TMEM150C: variants seen among roughly 807,000 people sequenced by gnomAD.
TMEM150C encodes the protein transmembrane protein 150C.
TMEM150C carries 10 observed loss-of-function variants against 29.9 expected under a neutral mutation model. The ratio of observed to expected loss-of-function variants is 0.33; its 90% confidence interval spans 0.21 to 0.57. The LOEUF (loss-of-function observed/expected upper bound fraction) is 0.57, where lower values mean the gene tolerates loss of function less well. Among genes scored for constraint, TMEM150C ranks in the 20% least tolerant of loss-of-function variants. TMEM150C has a pLI of 0.88. For synonymous variants in TMEM150C, 101 were observed against 112.5 expected (o/e 0.90, Z 0.64); for missense variants, 251 against 303.6 (o/e 0.83, Z 1.29).
chr4:82,483,277 G>C lies in TMEM150C; in HGVS notation c.*2234C>G, dbSNP rs1205127875. The C allele has an allele frequency of 2.0e-5, 3 of 152,172 alleles. No homozygotes were observed. Among genetic ancestry groups the C allele is most frequent in the Non-Finnish European group, 4.4e-5 (3 of 68,044 alleles). 9.4% of individuals were successfully genotyped at this position (152,172 alleles called of 1,614,324 possible). On this transcript the variant is annotated 3_prime_UTR_variant, in exon 8 of 8. Coordinates refer to ENST00000449862, the MANE Select transcript of TMEM150C (RefSeq NM_001080506.3). ...TGGTATTAGATATATTCTTAAGAAA[G>C]TGTACAATTGCATCACCAAAAGCTG...
At chr4:82,516,062 A>G (rs1459593069) in intron 1 of TMEM150C, among the ~76,000 whole-genome samples, 1 of 152,156 alleles carries the variant, frequency 6.6e-6, no homozygotes, top group African/African-American at 2.4e-5. Flanking sequence ...AAGAGAAACA[A>G]CCAAACATGA....
intron 1 of TMEM150C, among the ~76,000 whole-genome samples, chr4:82,549,219 T>C (rs555689515): frequency 6.6e-6 from 1 of 152,272 alleles, no homozygotes; most frequent in Admixed American, 6.5e-5. Context: ...ACAAAAATAT[T>C]TTTCTTCAAA....
At chr4:82,538,616 G>A (rs548467415) in intron 1 of TMEM150C, among the ~76,000 whole-genome samples, 1 of 152,166 alleles carries the variant, frequency 6.6e-6, no homozygotes, top group Admixed American at 6.5e-5. Flanking sequence ...AAAAAAGTCT[G>A]AAATAGAAAA....
intron 6 of TMEM150C, chr4:82,494,723 TGA>T (rs1322980185): frequency 4.4e-6 from 1 of 228,068 alleles, no homozygotes; most frequent in Non-Finnish European, 8.7e-6. Context: ...AAGACCAGGC[TGA>T]GAGACTAGAA....
At chr4:82,497,030 A>G (rs1238325488) in intron 5 of TMEM150C, among the ~76,000 whole-genome samples, 1 of 152,220 alleles carries the variant, frequency 6.6e-6, no homozygotes, top group Non-Finnish European at 1.5e-5. Flanking sequence ...TGTCCACTCT[A>G]TCTTTTGAAG....
intron 1 of TMEM150C, among the ~76,000 whole-genome samples, chr4:82,514,438 G>GT (rs1025548815): frequency 6.6e-6 from 1 of 152,214 alleles, no homozygotes; most frequent in Non-Finnish European, 1.5e-5. Flanking sequence ...ATGTTGGAAC[G>GT]TAATGGAAAT....
chr4:82,508,268 A>G (rs1266162179), intron 1 of TMEM150C, among the ~76,000 whole-genome samples: 3 of 152,000 alleles, frequency 2.0e-5, no homozygotes, highest in African/African-American at 7.2e-5. Flanking sequence ...AAAGAGGGGG[A>G]GAAGAATGGA....
chr4:82,515,464 C>A (rs373509369), intron 1 of TMEM150C, among the ~76,000 whole-genome samples: 1 of 152,012 alleles, frequency 6.6e-6, no homozygotes, highest in Non-Finnish European at 1.5e-5. Flanking sequence ...CTTGGCCGGG[C>A]GCGGTGGCTC....
intron 2 of TMEM150C, among the ~76,000 whole-genome samples, chr4:82,503,607 T>G (rs1227678544): frequency 1.3e-5 from 2 of 152,080 alleles, no homozygotes; most frequent in Non-Finnish European, 2.9e-5. Context: ...TCCCAGCACT[T>G]TGGGAGGCCG....
At chr4:82,559,781 A>G (rs920657369) in intron 1 of TMEM150C, among the ~76,000 whole-genome samples, 4 of 152,160 alleles carry the variant, frequency 2.6e-5, no homozygotes, top group Non-Finnish European at 4.4e-5. Flanking sequence ...GAAGTAATAC[A>G]TTATCTTGTC....
intron 6 of TMEM150C, chr4:82,490,905 T>A: frequency 1.4e-6 from 1 of 713,290 alleles, no homozygotes; most frequent in South Asian, 1.4e-5. Flanking sequence ...ACCCAGGACA[T>A]TGCCTCCCCA....
At chr4:82,530,458 G>A (rs1724805783) in intron 1 of TMEM150C, among the ~76,000 whole-genome samples, 1 of 152,192 alleles carries the variant, frequency 6.6e-6, no homozygotes, top group Non-Finnish European at 1.5e-5. Context: ...TCGGGAGGCT[G>A]AGGCAGGAGA....
At position 82,502,879 on chromosome 4, in the gene TMEM150C, A is replaced by G. The variant is rs1246338253; in HGVS notation, c.167+16T>C. Reference sequence around the variant, plus strand: ...TTCCTACGGTCCCACAGGACAGAAGAGAATTGCTGGGTTACCTTATATATG... The same window carrying G: ...TTCCTACGGTCCCACAGGACAGAAGGGAATTGCTGGGTTACCTTATATATG... On this transcript the variant is annotated intron_variant, in intron 4 of 7. Coordinates refer to ENST00000449862, the MANE Select transcript of TMEM150C (RefSeq NM_001080506.3). The G allele has an allele frequency of 6.3e-7, 1 of 1,597,830 alleles. No individual in the cohort carries two copies. The highest frequency in any genetic ancestry group is 8.5e-7 in the Non-Finnish European group (1 of 1,171,484).
At position 82,561,955 on chromosome 4, in the gene TMEM150C, T is replaced by TGCGGTG; in HGVS notation, c.-66_-61dup. On this transcript the variant is annotated 5_prime_UTR_variant, in exon 1 of 8. Transcript: ENST00000449862. ...GTCGCCTCGAGGGGCTGTGACCTGC[T>TGCGGTG]GCGGTGGCGGCGGCGGCAGCAGTAG... is the stretch of plus-strand genomic sequence containing the variant. The TGCGGTG allele has an allele frequency of 1.8e-6, 2 of 1,107,484 alleles. No homozygotes were observed. Among genetic ancestry groups the TGCGGTG allele is most frequent in the Non-Finnish European group, 2.2e-6 (2 of 902,114 alleles). The allele number at this position is 1,107,484 out of a possible 1,614,324, so 68.6% of individuals were successfully genotyped here.
At chr4:82,504,199 C>A (rs1050033351) in intron 2 of TMEM150C, among the ~76,000 whole-genome samples, 1 of 151,996 alleles carries the variant, frequency 6.6e-6, no homozygotes, top group African/African-American at 2.4e-5. Flanking sequence ...TAAAGATATG[C>A]CATCTACTAT....
Position 82,497,157 on chromosome 4 carries a change from CT to C in TMEM150C, c.236-963del, listed in dbSNP as rs201883622. Among the ~76,000 whole-genome samples the C allele has an allele frequency of 7.3e-3, 1,103 of 151,948 alleles. 15 individuals are homozygous for C. The highest frequency in any genetic ancestry group is 0.026 in the African/African-American group (1,059 of 41,476). On this transcript the variant is annotated intron_variant, in intron 5 of 7. Coordinates refer to ENST00000449862, the MANE Select transcript of TMEM150C (RefSeq NM_001080506.3). The stretch of plus-strand genomic sequence containing the variant: ...CTCAAGGCCCTAATCTAAGGATGAC[CT>C]TTTTTTTGCCTAGTGCAGAGGTATT...
intron 6 of TMEM150C, chr4:82,491,519 A>G: frequency 1.5e-6 from 1 of 673,006 alleles, no homozygotes; most frequent in Non-Finnish European, 2.6e-6. Flanking sequence ...GTCCAATGCC[A>G]AAATTCTTAG....
intron 1 of TMEM150C, among the ~76,000 whole-genome samples, chr4:82,518,684 C>T (rs982741037): frequency 6.6e-6 from 1 of 152,186 alleles, no homozygotes; most frequent in African/African-American, 2.4e-5. Context: ...AGGCTCCTCC[C>T]TACTGGGGTT....
chr4:82,553,996 A>C (rs1725662557), intron 1 of TMEM150C, among the ~76,000 whole-genome samples: 1 of 152,228 alleles, frequency 6.6e-6, no homozygotes, highest in African/African-American at 2.4e-5. Context: ...AGAAAAGATA[A>C]TCAGCTTCCT....
Sources: allele counts gnomAD v4.1 joint callset (sites outside exome capture counted in the v4.1 genomes callset), GRCh38; gene constraint gnomAD v4.1.1; transcripts MANE v1.5; gene names NCBI Gene and HGNC (gene_info 2026-07-23, HGNC 2026-07-21).